CSMD1: variants seen among roughly 807,000 people sequenced by gnomAD.
CSMD1 encodes the protein CUB and Sushi multiple domains 1, also known as CUB and sushi domain-containing protein 1.
CSMD1 carries 213 observed loss-of-function variants against 417.5 expected under a neutral mutation model. The observed-to-expected ratio is 0.51, with a 90% CI of 0.46 to 0.57. The LOEUF (loss-of-function observed/expected upper bound fraction) is 0.57. Among genes scored for constraint, CSMD1 ranks in the 20% least tolerant of loss-of-function variants. The pLI is 0.00. For missense variants in CSMD1, 6,923 were observed against 4,529.7 expected, an observed-to-expected ratio of 1.53 and a Z score of -15.17; for synonymous variants, 2,862 against 1,736.8, an observed-to-expected ratio of 1.65 and a Z score of -16.11.
intron 42 of CSMD1, among the ~76,000 whole-genome samples, chr8:3,115,278 T>C (rs1397440556): frequency 7.0e-6 from 1 of 142,166 alleles, no homozygotes; most frequent in Non-Finnish European, 1.5e-5. Flanking sequence ...CTTGGCTCAC[T>C]GCAACCTCCG....
intron 2 of CSMD1, among the ~76,000 whole-genome samples, chr8:4,484,109 G>C (rs1002952722): frequency 6.6e-6 from 1 of 151,828 alleles, no homozygotes; most frequent in Non-Finnish European, 1.5e-5. Flanking sequence ...AGGAGAGCTG[G>C]GGTCATGAGG....
chr8:3,456,288 G>C (rs1816127614), intron 12 of CSMD1, among the ~76,000 whole-genome samples: 1 of 103,648 alleles, frequency 9.6e-6, no homozygotes, highest in Non-Finnish European at 2.0e-5. Context: ...CCCTGCTTCA[G>C]CTCATGCTTT....
intron 8 of CSMD1, among the ~76,000 whole-genome samples, chr8:3,597,162 A>G (rs937156481): frequency 1.5e-4 from 23 of 152,178 alleles, no homozygotes; most frequent in African/African-American, 3.9e-4. Context: ...GAGGGAATCA[A>G]TGCCCCAGGG....
At chr8:4,152,854 T>G (rs968638001) in intron 3 of CSMD1, among the ~76,000 whole-genome samples, 1 of 152,102 alleles carries the variant, frequency 6.6e-6, no homozygotes, top group African/African-American at 2.4e-5. Flanking sequence ...GCATGTGTAT[T>G]TATGGAGAAA....
intron 2 of CSMD1, among the ~76,000 whole-genome samples, chr8:4,454,416 T>A (rs1241608408): frequency 3.3e-5 from 5 of 152,214 alleles, no homozygotes; most frequent in Non-Finnish European, 2.9e-5. Context: ...TAGGAGATCT[T>A]CTTTGGATAC....
At chr8:3,951,090 T>C (rs778611321) in intron 5 of CSMD1, among the ~76,000 whole-genome samples, 1 of 152,224 alleles carries the variant, frequency 6.6e-6, no homozygotes, top group African/African-American at 2.4e-5. Context: ...ATTTTATACA[T>C]TAATCTGAAA....
chr8:3,750,028 T>C (rs769674720), intron 6 of CSMD1, among the ~76,000 whole-genome samples: 2 of 152,166 alleles, frequency 1.3e-5, no homozygotes, highest in African/African-American at 2.4e-5. Context: ...GCAAAAAATA[T>C]AGTCATTATT....
chr8:3,066,538 T>G (rs1812947876), intron 49 of CSMD1, among the ~76,000 whole-genome samples: 1 of 152,222 alleles, frequency 6.6e-6, no homozygotes, highest in Non-Finnish European at 1.5e-5. Flanking sequence ...CTTTAATTCT[T>G]GAGTAATCAT....
chr8:3,198,536 A>C (rs1339374676), intron 33 of CSMD1, among the ~76,000 whole-genome samples: 2 of 152,228 alleles, frequency 1.3e-5, no homozygotes, highest in Non-Finnish European at 2.9e-5. Context: ...ATGCATTAGC[A>C]TCTCCATTCA....
At chr8:4,118,082 G>C (rs78200066) in intron 3 of CSMD1, among the ~76,000 whole-genome samples, 1 of 151,984 alleles carries the variant, frequency 6.6e-6, no homozygotes, top group Non-Finnish European at 1.5e-5. Flanking sequence ...CATATGATTA[G>C]ACAAATTATA....
intron 7 of CSMD1, among the ~76,000 whole-genome samples, chr8:3,689,308 C>T (rs370195515): frequency 2.0e-5 from 3 of 152,130 alleles, no homozygotes; most frequent in East Asian, 3.8e-4. Flanking sequence ...TGGACTAAGC[C>T]ATCTCCAGAT....
intron 1 of CSMD1, among the ~76,000 whole-genome samples, chr8:4,921,349 T>C (rs1274352318): frequency 6.6e-6 from 1 of 152,202 alleles, no homozygotes; most frequent in Non-Finnish European, 1.5e-5. Context: ...AAATTATGTT[T>C]TAATCTTCCT....
At chr8:4,011,574 G>C (rs1585128806) in intron 4 of CSMD1, among the ~76,000 whole-genome samples, 1 of 152,118 alleles carries the variant, frequency 6.6e-6, no homozygotes, top group African/African-American at 2.4e-5. Context: ...CCAAGAGTCA[G>C]TTCCTAGGAT....
At chr8:4,132,614 T>G (rs1803179684) in intron 3 of CSMD1, among the ~76,000 whole-genome samples, 1 of 152,208 alleles carries the variant, frequency 6.6e-6, no homozygotes, top group Non-Finnish European at 1.5e-5. Flanking sequence ...TCCAGCACAG[T>G]GTTTGGCATT....
At chr8:2,966,840 T>C (rs1031876933) in intron 57 of CSMD1, 94 bp from the exon 58 acceptor site, 3 of 1,126,740 alleles carry the variant, frequency 2.7e-6, no homozygotes, top group Non-Finnish European at 2.6e-6. Flanking sequence ...TGCAATAGAC[T>C]ACACATTTAT....
chr8:3,805,380 A>G (rs527730242), intron 5 of CSMD1, among the ~76,000 whole-genome samples: 28 of 152,222 alleles, frequency 1.8e-4, no homozygotes, highest in African/African-American at 6.0e-4. Flanking sequence ...GCCACAAGTT[A>G]CCCCTAAAAC....
chr8:2,941,095 T>A (rs1801841673), intron 69 of CSMD1, among the ~76,000 whole-genome samples: 1 of 152,220 alleles, frequency 6.6e-6, no homozygotes, highest in Admixed American at 6.5e-5. Context: ...TTGTGTGTAT[T>A]GGGTATTTTC....
intron 3 of CSMD1, among the ~76,000 whole-genome samples, chr8:4,361,410 T>C (rs1407346194): frequency 6.6e-6 from 1 of 152,212 alleles, no homozygotes; most frequent in Admixed American, 6.5e-5. Context: ...TCTCAGGCAC[T>C]GCTTCTAAGT....
At chr8:3,047,162 C>G (rs1292581125) in intron 50 of CSMD1, among the ~76,000 whole-genome samples, 1 of 145,118 alleles carries the variant, frequency 6.9e-6, no homozygotes, top group African/African-American at 2.6e-5. Context: ...GGACCAAGAT[C>G]CAGATCACAC....
Sources: allele counts gnomAD v4.1 joint callset (sites outside exome capture counted in the v4.1 genomes callset), GRCh38; gene constraint gnomAD v4.1.1; transcripts MANE v1.5; gene names NCBI Gene and HGNC (gene_info 2026-07-23, HGNC 2026-07-21).